ARHGAP32: variants seen among roughly 807,000 people sequenced by gnomAD.
ARHGAP32 encodes rho GTPase-activating protein 32.
A neutral mutation model predicts 186.5 loss-of-function variants in ARHGAP32; 51 were observed. That is an observed-to-expected ratio of 0.27 (90% confidence interval 0.22 to 0.35). The LOEUF is 0.35. ARHGAP32 is among the 10% of genes least tolerant of loss of function. The pLI is 1.00. For synonymous variants in ARHGAP32, 950 were observed against 964.3 expected (o/e 0.99, Z 0.27); for missense variants, 2,186 against 2,623.5 (o/e 0.83, Z 3.64).
At chr11:129,275,992 A>C (rs1384323668) in intron 1 of ARHGAP32, among the ~76,000 whole-genome samples, 1 of 152,262 alleles carries the variant, frequency 6.6e-6, no homozygotes, top group Non-Finnish European at 1.5e-5. Context: ...AGAAGTTCAA[A>C]GTCTTGTCCA....
chr11:129,157,759 AC>A (rs758981058), intron 2 of ARHGAP32, among the ~76,000 whole-genome samples: 1 of 152,124 alleles, frequency 6.6e-6, no homozygotes, highest in Non-Finnish European at 1.5e-5. Context: ...GAGAAAAACA[AC>A]CCCAAGACAC....
At chr11:129,023,339 G>C (rs1938684368) in intron 11 of ARHGAP32, among the ~76,000 whole-genome samples, 1 of 152,150 alleles carries the variant, frequency 6.6e-6, no homozygotes, top group Non-Finnish European at 1.5e-5. Context: ...GAAGGGAAAA[G>C]GCCAGAAAGG....
intron 6 of ARHGAP32, among the ~76,000 whole-genome samples, chr11:129,071,587 C>G (rs952113531): frequency 2.6e-5 from 4 of 151,894 alleles, no homozygotes; most frequent in South Asian, 2.1e-4. Flanking sequence ...GAAAAGGAAA[C>G]AAGGGACTCC....
intron 2 of ARHGAP32, among the ~76,000 whole-genome samples, chr11:129,160,019 G>C (rs893279743): frequency 2.6e-5 from 4 of 152,120 alleles, no homozygotes; most frequent in African/African-American, 9.7e-5. Context: ...TATCTCAATA[G>C]ATGCAGAAAA....
At chr11:129,227,110 T>G (rs1038669460) in intron 1 of ARHGAP32, among the ~76,000 whole-genome samples, 1 of 151,998 alleles carries the variant, frequency 6.6e-6, no homozygotes, top group Non-Finnish European at 1.5e-5. Context: ...GAAATAACAG[T>G]ACAAAGGAAG....
intron 10 of ARHGAP32, 91 bp downstream of exon 10, chr11:129,062,189 G>T: frequency 9.6e-7 from 1 of 1,042,844 alleles, no homozygotes; most frequent in Non-Finnish European, 1.5e-6. Flanking sequence ...TGATGACAAA[G>T]TCCATTACCA....
intron 1 of ARHGAP32, among the ~76,000 whole-genome samples, chr11:129,240,451 C>A (rs1312020369): frequency 6.6e-6 from 1 of 152,098 alleles, no homozygotes; most frequent in Non-Finnish European, 1.5e-5. Flanking sequence ...TCAGTAGGCC[C>A]ATCTCAAGTA....
rs187747516 is a variant in ARHGAP32 at position 129,062,247 on chromosome 11, G to A, written c.963+33C>T. On this transcript the variant is annotated intron_variant, in intron 10 of 22. Coordinates refer to ENST00000682385, the MANE Select transcript of ARHGAP32 (RefSeq NM_001378024.1). Reference sequence around the variant, plus strand: ...CTGAATCATAAAAAAACTTTCCTTTGAATTTTCCCACACCTAATTTGCTGC... The same window carrying A: ...CTGAATCATAAAAAAACTTTCCTTTAAATTTTCCCACACCTAATTTGCTGC... The A allele has an allele frequency of 1.7e-4, 268 of 1,595,000 alleles. No individual in the cohort carries two copies. The African/African-American group carries it at 3.4e-3, about 20-fold the overall frequency.
intron 10 of ARHGAP32, among the ~76,000 whole-genome samples, chr11:129,055,482 T>C (rs1177338611): frequency 1.3e-5 from 2 of 152,230 alleles, no homozygotes; most frequent in Non-Finnish European, 2.9e-5. Flanking sequence ...AACCTGCACA[T>C]AGATGTTTAT....
At chr11:129,144,090 T>C (rs1217812955) in intron 2 of ARHGAP32, among the ~76,000 whole-genome samples, 1 of 152,202 alleles carries the variant, frequency 6.6e-6, no homozygotes, top group African/African-American at 2.4e-5. Context: ...TCACAAGGAA[T>C]TCAAATAACT....
intron 12 of ARHGAP32, among the ~76,000 whole-genome samples, chr11:128,990,992 G>A (rs1946030492): frequency 1.3e-5 from 2 of 152,084 alleles, no homozygotes; most frequent in Non-Finnish European, 2.9e-5. Context: ...ACCCTTCAGA[G>A]CACAGTATTT....
intron 1 of ARHGAP32, among the ~76,000 whole-genome samples, chr11:129,257,550 G>C (rs1945269719): frequency 6.6e-6 from 1 of 152,012 alleles, no homozygotes; most frequent in Admixed American, 6.6e-5. Context: ...AAAGCAGAAG[G>C]ATCACTTGAG....
At chr11:129,100,692 C>T (rs1941871260) in intron 5 of ARHGAP32, among the ~76,000 whole-genome samples, 1 of 152,140 alleles carries the variant, frequency 6.6e-6, no homozygotes, top group African/African-American at 2.4e-5. Flanking sequence ...TAACACTGCA[C>T]AGAGAACAGC....
chr11:128,975,681 C>T (rs1275712397), intron 20 of ARHGAP32, among the ~76,000 whole-genome samples: 1 of 152,024 alleles, frequency 6.6e-6, no homozygotes, highest in Non-Finnish European at 1.5e-5. Context: ...AAAAGAAACT[C>T]TCTATTCTAT....
chr11:129,011,133 G>A (rs1938056503), intron 11 of ARHGAP32, among the ~76,000 whole-genome samples: 1 of 152,128 alleles, frequency 6.6e-6, no homozygotes, highest in Non-Finnish European at 1.5e-5. Flanking sequence ...TAGTAATACG[G>A]ATATAGCCAG....
At chr11:129,241,632 A>C (rs915002621) in intron 1 of ARHGAP32, among the ~76,000 whole-genome samples, 1 of 152,184 alleles carries the variant, frequency 6.6e-6, no homozygotes, top group Non-Finnish European at 1.5e-5. Flanking sequence ...GCAACAGGGC[A>C]AGACCCCATG....
intron 21 of ARHGAP32, 139 bp downstream of exon 21, chr11:128,973,985 C>T (rs540640672): frequency 2.9e-6 from 3 of 1,031,436 alleles, no homozygotes; most frequent in Admixed American, 2.4e-5. Flanking sequence ...GGCTCTGAGC[C>T]ATCAGCACCA....
At position 129,164,410 on chromosome 11, in the gene ARHGAP32, A is replaced by C. The variant is rs373452837; in HGVS notation, c.134T>G (p.Val45Gly). 4.5e-6 allele frequency: 7 copies of C among 1,557,070 alleles called. No individual in the cohort carries two copies. The African/African-American group carries it at 9.5e-5, about 21-fold the overall frequency. ...EEKFRKMKSS[V>G]HSEEDDFVPE... ...AACAAAATCATCTTCTTCAGAATGT[A>C]CTGAGGACTTCATCTTCCTAGAGAT... Residue 45 changes from valine (V) to glycine (G), a missense_variant, in exon 2 of 23, where the codon GTA becomes GGA. Val to Gly is a moderately radical substitution (Grantham distance 109, BLOSUM62 -3). Transcript: ENST00000682385.
rs186300159 is a variant in ARHGAP32, at chr11:129,213,577, C to T, written c.-4-49150G>A. 3.9e-3 allele frequency among the ~76,000 whole-genome samples: 593 copies of T among 152,120 alleles called. 2 individuals carry two copies. Among genetic ancestry groups the T allele is most frequent in the African/African-American group, 0.014 (567 of 41,492 alleles). On this transcript the variant is annotated intron_variant, in intron 1 of 6. Transcript: ENST00000525234. ...CAATCTCAATTACAGTAAATGAATGCTATCTTATTAATATTATATGATAAT... is the reference window on the plus strand; with the variant it reads ...CAATCTCAATTACAGTAAATGAATGTTATCTTATTAATATTATATGATAAT...
Sources: allele counts gnomAD v4.1 joint callset (sites outside exome capture counted in the v4.1 genomes callset), GRCh38; gene constraint gnomAD v4.1.1; transcripts MANE v1.5; gene names NCBI Gene and HGNC (gene_info 2026-07-23, HGNC 2026-07-21).